Variants in TSPAN18 observed in about 807,000 individuals in gnomAD.
TSPAN18 encodes tetraspanin-18.
TSPAN18 carries 14 observed loss-of-function variants against 27.3 expected under a neutral mutation model. The ratio of observed to expected loss-of-function variants is 0.51; its 90% CI spans 0.34 to 0.80. The LOEUF (loss-of-function observed/expected upper bound fraction) is 0.80. Ranked by LOEUF, TSPAN18 falls within the 30% of genes least tolerant of loss-of-function variation. TSPAN18 has a pLI of 0.01. For missense variants in TSPAN18, 268 were observed against 323.9 expected, an observed-to-expected ratio of 0.83 and a Z score of 1.32; for synonymous variants, 143 against 136.5, an observed-to-expected ratio of 1.05 and a Z score of -0.33.
In TSPAN18 at chr11:44,882,469, A is replaced by C. The variant is rs559721897; in HGVS notation, c.-11+22000A>C. Among the ~76,000 whole-genome samples the C allele has an allele frequency of 2.8e-4, 43 of 152,176 alleles. 1 individual carries two copies. Among genetic ancestry groups the C allele is most frequent in the South Asian group, 2.5e-3 (12 of 4,804 alleles). On this transcript the variant is annotated intron_variant, in intron 3 of 9. Transcript: ENST00000520358. ...ACCTCCCTCTGGGGGTCATAGTCCC[A>C]GGGCAGGGCTAGGGGATTTATGCCC...
rs757262171 is a variant in TSPAN18 at position 44,909,829 on chromosome 11, G to T, written c.188G>T (p.Gly63Val). Residue 63 changes from glycine (G) to valine (V), a missense_variant, in exon 5 of 10, where the codon GGC (glycine) becomes GTC (valine). Coordinates refer to ENST00000520358, the MANE Select transcript of TSPAN18 (RefSeq NM_130783.5). ...TGAYILLAMG[G>V]LLFLLGFLGC... ...GCCTACATCCTCCTGGCCATGGGGG[G>T]CCTGCTCTTTCTGCTCGGCTTCCTG... is the stretch of plus-strand genomic sequence containing the variant. The T allele has an allele frequency of 1.9e-6, 3 of 1,614,064 alleles. No individual in the cohort carries two copies. The highest frequency in any genetic ancestry group is 1.7e-5 in the Admixed American group (1 of 60,024).
At chr11:44,866,039 T>C (rs1318185081) in intron 3 of TSPAN18, among the ~76,000 whole-genome samples, 2 of 152,212 alleles carry the variant, frequency 1.3e-5, no homozygotes, top group Admixed American at 1.3e-4. Flanking sequence ...CAGGGCTCAG[T>C]CCAGCTCCAG....
At chr11:44,742,247 C>T (rs1854955702) in intron 1 of TSPAN18, among the ~76,000 whole-genome samples, 1 of 146,566 alleles carries the variant, frequency 6.8e-6, no homozygotes, top group Non-Finnish European at 1.5e-5. Flanking sequence ...CCTGCCTCAC[C>T]CCTCCCCTCC....
intron 4 of TSPAN18, among the ~76,000 whole-genome samples, chr11:44,908,698 C>T (rs962068713): frequency 2.0e-5 from 3 of 150,108 alleles, no homozygotes; most frequent in African/African-American, 4.9e-5. Context: ...CCCGCCACTG[C>T]ACTCCAGCCT....
intron 2 of TSPAN18, among the ~76,000 whole-genome samples, chr11:44,776,983 G>C (rs529184548): frequency 1.2e-4 from 18 of 152,340 alleles, no homozygotes; most frequent in African/African-American, 4.3e-4. Context: ...CCTCTCACAA[G>C]CTGGCTTCCT....
intron 8 of TSPAN18, among the ~76,000 whole-genome samples, chr11:44,920,560 G>A (rs539361503): frequency 5.8e-4 from 89 of 152,212 alleles, no homozygotes; most frequent in African/African-American, 2.0e-3. Flanking sequence ...GAAGACAAGC[G>A]CCTGGCTTTG....
At chr11:44,911,555 CT>C (rs1017377505) in intron 5 of TSPAN18, among the ~76,000 whole-genome samples, 18 of 152,172 alleles carry the variant, frequency 1.2e-4, no homozygotes, top group African/African-American at 4.1e-4. Flanking sequence ...TCGCAGAAGT[CT>C]TGGCTGGGGA....
chr11:44,920,418 G>A (rs1860084462), intron 8 of TSPAN18, among the ~76,000 whole-genome samples: 1 of 152,144 alleles, frequency 6.6e-6, no homozygotes, highest in African/African-American at 2.4e-5. Flanking sequence ...GGCACCCTAA[G>A]GGAGCAAGGT....
chr11:44,894,431 G>T (rs1002868071), intron 3 of TSPAN18, among the ~76,000 whole-genome samples: 1 of 152,196 alleles, frequency 6.6e-6, no homozygotes, highest in African/African-American at 2.4e-5. Context: ...CTCTTGTCCG[G>T]CCGCCTCCTT....
At chr11:44,832,536 G>C (rs1857176584) in intron 2 of TSPAN18, among the ~76,000 whole-genome samples, 1 of 152,168 alleles carries the variant, frequency 6.6e-6, no homozygotes. Context: ...GCTCTGGGCT[G>C]CTTCTTCCCA....
intron 3 of TSPAN18, among the ~76,000 whole-genome samples, chr11:44,876,936 G>T (rs2135249458): frequency 6.6e-6 from 1 of 152,342 alleles, no homozygotes; most frequent in South Asian, 2.1e-4. Flanking sequence ...GTTTCACGGA[G>T]CTGGGACTGG....
chr11:44,804,137 C>G (rs1590499134), intron 2 of TSPAN18, among the ~76,000 whole-genome samples: 1 of 151,904 alleles, frequency 6.6e-6, no homozygotes, highest in Non-Finnish European at 1.5e-5. Context: ...GAGTCTCGCT[C>G]TGTCGCCCAG....
chr11:44,835,159 A>G (rs1857239491), intron 2 of TSPAN18, among the ~76,000 whole-genome samples: 1 of 152,198 alleles, frequency 6.6e-6, no homozygotes, highest in South Asian at 2.1e-4. Flanking sequence ...GCAGGCCTCT[A>G]AGGAAGAAAC....
intron 2 of TSPAN18, among the ~76,000 whole-genome samples, chr11:44,820,961 T>C (rs1856915514): frequency 6.6e-6 from 1 of 152,200 alleles, no homozygotes; most frequent in South Asian, 2.1e-4. Flanking sequence ...GCCATGCTTG[T>C]ACAGCCTGTA....
chr11:44,786,692 T>G (rs146733373), intron 2 of TSPAN18, among the ~76,000 whole-genome samples: 19,397 of 144,572 alleles, frequency 0.13, 1,684 homozygotes, highest in Middle Eastern at 0.21. Context: ...AGTGCAGAGG[T>G]GCGATCTCGG....
chr11:44,878,422 C>T (rs1291921304), intron 3 of TSPAN18, among the ~76,000 whole-genome samples: 1 of 152,066 alleles, frequency 6.6e-6, no homozygotes, highest in Non-Finnish European at 1.5e-5. Flanking sequence ...GGGGCCAGCC[C>T]GGGGGAGGTT....
chr11:44,839,178 G>C (rs973231480), intron 2 of TSPAN18, among the ~76,000 whole-genome samples: 1 of 152,212 alleles, frequency 6.6e-6, no homozygotes, highest in African/African-American at 2.4e-5. Flanking sequence ...TTTTCAGACT[G>C]TACATCTCTC....
At chr11:44,861,792 T>TTC (rs199741083) in intron 3 of TSPAN18, among the ~76,000 whole-genome samples, 2,430 of 72,780 alleles carry the variant, frequency 0.033, 33 homozygotes, top group South Asian at 0.084. Flanking sequence ...AAGCCCAAAT[T>TTC]TCACACACAC....
intron 3 of TSPAN18, among the ~76,000 whole-genome samples, chr11:44,869,817 C>T (rs1480763560): frequency 1.3e-5 from 2 of 152,196 alleles, no homozygotes; most frequent in East Asian, 3.9e-4. Flanking sequence ...ACCCTCCTCA[C>T]ATTATCAGGC....
Sources: gnomAD v4.1 joint callset for allele counts (sites outside exome capture counted in the v4.1 genomes callset) on GRCh38, gnomAD v4.1.1 for gene constraint, MANE v1.5 for transcripts, NCBI Gene and HGNC (gene_info 2026-07-23, HGNC 2026-07-21) for gene names.